Variants in TLCD3B observed in about 807,000 individuals in gnomAD.
TLCD3B encodes TLC domain containing 3B.
Under a neutral mutation model 23.0 loss-of-function variants are expected in TLCD3B, and 9 were observed. The ratio of observed to expected loss-of-function variants is 0.39; its 90% CI spans 0.24 to 0.68. The LOEUF (loss-of-function observed/expected upper bound fraction) is 0.68. Among genes scored for constraint, TLCD3B ranks in the 30% least tolerant of loss-of-function variants. TLCD3B has a pLI of 0.44. For synonymous variants in TLCD3B, 161 were observed against 161.0 expected, an observed-to-expected ratio of 1.00 and a Z score of 0.00; for missense variants, 307 against 371.8, an observed-to-expected ratio of 0.83 and a Z score of 1.43.
At chr16:30,028,850 C>A (rs1048889281) in intron 2 of TLCD3B, among the ~76,000 whole-genome samples, 1 of 152,200 alleles carries the variant, frequency 6.6e-6, no homozygotes, top group African/African-American at 2.4e-5. Context: ...CTCTCCTCCC[C>A]GTCCCCCCGC....
chr16:30,044,848 C>T lies in TLCD3B; in HGVS notation c.-229+1475G>A, dbSNP rs2071633505. Among the ~76,000 whole-genome samples, 3 of 151,906 alleles carry T rather than the reference C, an allele frequency of 2.0e-5. No individual in the cohort carries two copies. The South Asian group carries it at 6.2e-4, about 32-fold the overall frequency. On this transcript the variant is annotated intron_variant, in intron 2 of 6. Coordinates refer to the TLCD3B transcript ENST00000561666. ...GTAATCCCAGCACTTTGGAGGCCGG[C>T]GGGCGGCGGGGGGGTGCGGATTAAC... is the stretch of plus-strand genomic sequence containing the variant.
intron 2 of TLCD3B, among the ~76,000 whole-genome samples, chr16:30,027,924 T>G (rs1368187351): frequency 2.0e-5 from 3 of 152,134 alleles, no homozygotes; most frequent in Admixed American, 2.0e-4. Flanking sequence ...CTGAGGCCTC[T>G]GAGGATGGGG....
intron 3 of TLCD3B, chr16:30,036,496 G>C: frequency 9.2e-7 from 1 of 1,085,404 alleles, no homozygotes; most frequent in Non-Finnish European, 1.2e-6. Context: ...TGTCTTCCAA[G>C]GGACCTTCTC....
At chr16:30,045,504 G>GGT (rs562784911) in intron 2 of TLCD3B, among the ~76,000 whole-genome samples, 1 of 126,040 alleles carries the variant, frequency 7.9e-6, no homozygotes, top group African/African-American at 3.0e-5. Context: ...TGGTGTGTAT[G>GGT]GTGTGTGTGT....
At chr16:30,036,010 G>C (rs1011531814), upstream of TLCD3B, 8 of 713,372 alleles carry the variant, frequency 1.1e-5, no homozygotes, top group Non-Finnish European at 1.4e-5. Flanking sequence ...TGATCTGCCC[G>C]CTTCGGCCTC....
chr16:30,037,432 A>C (rs899811592), intron 3 of TLCD3B, among the ~76,000 whole-genome samples: 6 of 150,950 alleles, frequency 4.0e-5, no homozygotes, highest in Non-Finnish European at 7.4e-5. Context: ...AGTCCCAGCT[A>C]CTCCGGAGGC....
At position 30,025,067 on chromosome 16, in the gene TLCD3B, T is replaced by A. The variant is rs2071042414; in HGVS notation, c.*116A>T. 4 of 671,580 alleles carry A rather than the reference T, an allele frequency of 6.0e-6. No homozygotes were observed. Among genetic ancestry groups the A allele is most frequent in the Middle Eastern group, 8.2e-4 (2 of 2,428 alleles). The allele number at this position is 671,580 out of a possible 1,614,324, so 41.6% of individuals were successfully genotyped here. A position where few individuals can be genotyped will look rare whatever the true frequency, so the allele number is the denominator to read the frequency against. On this transcript the variant is annotated 3_prime_UTR_variant, in exon 5 of 5. Transcript: ENST00000380495. The surrounding 1 kb of genome is among the most constrained non-coding windows in gnomAD (Gnocchi z 4.1). ...GGCCTCTTCCCTTTCGGGGTCATCG[T>A]CAGTCCTGGGGTTGTCCGGGCAAGA...
At position 30,025,633 on chromosome 16, in the gene TLCD3B, G is replaced by T. The variant is rs762872467; in HGVS notation, c.540+93C>A. ...ATGCACGGGGTGAGGGGGGGATGAC[G>T]AAGGGGCTAGAGCCCTTGGCAGCAA... On this transcript the variant is annotated intron_variant, in intron 4 of 4. Transcript: ENST00000380495. The surrounding 1 kb of genome is among the most constrained non-coding windows in gnomAD (Gnocchi z 4.1). 3 of 1,483,148 alleles carry T rather than the reference G, an allele frequency of 2.0e-6. No homozygotes were observed. The South Asian group carries it at 3.4e-5, about 17-fold the overall frequency. 91.9% of individuals were successfully genotyped at this position (1,483,148 alleles called of 1,614,324 possible). A position where few individuals can be genotyped will look rare whatever the true frequency, so the allele number is the denominator to read the frequency against.
chr16:30,045,692 TTTGTGTGTGTGTGTG>T, intron 2 of TLCD3B, among the ~76,000 whole-genome samples: 1 of 145,466 alleles, frequency 6.9e-6, no homozygotes, highest in South Asian at 2.2e-4. Context: ...TTGGTGTGTG[TTTGTGTGTGTGTGTG>T]TTGTGTGTGT....
At position 30,025,495 on chromosome 16, in the gene TLCD3B, G is replaced by A. The variant is rs769351400; in HGVS notation, c.541-28C>T. ...GAGGAGACACAGACACAGTGGCCAC[G>A]GCAGCAGAAGGGCTCGGCCCCCCTT... On this transcript the variant is annotated intron_variant, in intron 4 of 4. Transcript: ENST00000380495. The surrounding 1 kb of genome is among the most constrained non-coding windows in gnomAD (Gnocchi z 4.1). 4.4e-6 allele frequency: 7 copies of A among 1,608,596 alleles called. No individual in the cohort carries two copies. The South Asian group carries it at 4.4e-5, about 10-fold the overall frequency.
Position 30,025,152 on chromosome 16 carries a change from G to A in TLCD3B, c.*31C>T. 7.5e-7 allele frequency: 1 copy of A among 1,336,492 alleles called. No individual in the cohort carries two copies. The highest frequency in any genetic ancestry group is 1.5e-5 in the South Asian group (1 of 65,168). 82.8% of individuals were successfully genotyped at this position (1,336,492 alleles called of 1,614,324 possible). On this transcript the variant is annotated 3_prime_UTR_variant, in exon 5 of 5. Transcript: ENST00000380495. This position sits in a 1 kb window ranked among gnomAD's most constrained non-coding sequence, Gnocchi z 4.1. ...GAGCCCTGTCTCCACGGGGGTGGGG[G>A]TGGGGAGGGGGAGGGTCCCGGCCCC...
chr16:30,025,783 G>GT lies in TLCD3B; in HGVS notation c.482_483insA (p.Cys161Ter). The GT allele has an allele frequency of 1.2e-6, 2 of 1,614,112 alleles. No homozygotes were observed. Among genetic ancestry groups the GT allele is most frequent in the Non-Finnish European group, 1.7e-6 (2 of 1,180,024 alleles). ...GCGTGCTGACCTCTGCCATCAACATGCAACCCAGAAAGAAGTCTCCCTTAC... is the reference window on the plus strand; with the variant it reads ...GCGTGCTGACCTCTGCCATCAACATGTCAACCCAGAAAGAAGTCTCCCTTAC... ...RQGKGDFFLG[C>*]MLMAEVSTPF... The change falls in exon 4 of 5, where the codon TGC becomes TGAC. Residue 161 changes from cysteine (C) to a stop codon, truncating the protein, a stop_gained and frameshift_variant. Coordinates refer to ENST00000380495, the MANE Select transcript of TLCD3B (RefSeq NM_031478.6). LOFTEE classifies it high-confidence loss of function. The surrounding 1 kb of genome is among the most constrained non-coding windows in gnomAD (Gnocchi z 4.1).
At chr16:30,045,092 CA>C (rs1162281544) in intron 2 of TLCD3B, among the ~76,000 whole-genome samples, 324 of 22,200 alleles carry the variant, frequency 0.015, no homozygotes, top group African/African-American at 0.051. Context: ...GACTCCATCT[CA>C]AAAAAAAAAA....
At chr16:30,037,909 A>G (rs904123124) in intron 3 of TLCD3B, among the ~76,000 whole-genome samples, 1 of 152,126 alleles carries the variant, frequency 6.6e-6, no homozygotes, top group African/African-American at 2.4e-5. Context: ...AAAGAAACAC[A>G]CTGTATGGCT....
chr16:30,039,445 CAG>C (rs1247205523), intron 3 of TLCD3B, among the ~76,000 whole-genome samples: 3 of 151,632 alleles, frequency 2.0e-5, no homozygotes, highest in East Asian at 3.9e-4. Context: ...TCTTTTGAGA[CAG>C]GGTCTCACTC....
upstream of TLCD3B, among the ~76,000 whole-genome samples, chr16:30,032,508 C>T (rs1028848401): frequency 1.3e-5 from 2 of 152,100 alleles, no homozygotes; most frequent in Non-Finnish European, 2.9e-5. Flanking sequence ...GTCCTCAGCC[C>T]TTCACGGGAG....
chr16:30,040,133 C>CAAAAAAAAAAAAAAAAAAA, intron 3 of TLCD3B, among the ~76,000 whole-genome samples: 1 of 84,850 alleles, frequency 1.2e-5, no homozygotes, highest in African/African-American at 5.3e-5. Flanking sequence ...GACTTTGTCT[C>CAAAAAAAAAAAAAAAAAAA]AAAAAAAAAA....
chr16:30,049,548 C>T (rs558500229), intron 1 of TLCD3B, among the ~76,000 whole-genome samples: 5 of 152,244 alleles, frequency 3.3e-5, no homozygotes, highest in Admixed American at 1.3e-4. Flanking sequence ...CTTCCAACTT[C>T]GGGAGAGGAG....
Position 30,036,371 on chromosome 16 carries a change from G to A in TLCD3B, c.-66-157C>T, listed in dbSNP as rs758140741. ...GCCTGAAACTACATATATTTACATA[G>A]ATATCATTTTTGTTTAGAAAGACCT... On this transcript the variant is annotated intron_variant, in intron 3 of 6. Transcript: ENST00000561666. 60 of 1,287,280 alleles carry A rather than the reference G, an allele frequency of 4.7e-5. No homozygotes were observed. The Admixed American group carries it at 1.1e-3, about 23-fold the overall frequency. The allele number at this position is 1,287,280 out of a possible 1,614,324, so 79.7% of individuals were successfully genotyped here.
Sources: allele counts gnomAD v4.1 joint callset (sites outside exome capture counted in the v4.1 genomes callset), GRCh38; gene constraint gnomAD v4.1.1; non-coding constraint Gnocchi (gnomAD v3.1); transcripts MANE v1.5; gene names NCBI Gene and HGNC (gene_info 2026-07-23, HGNC 2026-07-21).